Variants in SLC24A3 observed in about 807,000 individuals in gnomAD.
SLC24A3 encodes sodium/potassium/calcium exchanger 3.
A neutral mutation model predicts 75.8 loss-of-function variants in SLC24A3; 28 were observed. The observed-to-expected ratio is 0.37, with a 90% CI of 0.27 to 0.51. The LOEUF (loss-of-function observed/expected upper bound fraction) is 0.51, where lower values mean the gene tolerates loss of function less well. Among genes scored for constraint, SLC24A3 ranks in the 20% least tolerant of loss-of-function variants. SLC24A3 has a pLI of 0.94. For synonymous variants in SLC24A3, 372 were observed against 334.1 expected (o/e 1.11, Z -1.24); for missense variants, 663 against 847.8 (o/e 0.78, Z 2.71).
chr20:19,479,702 GT>G (rs1212366610), intron 2 of SLC24A3, among the ~76,000 whole-genome samples: 2 of 152,240 alleles, frequency 1.3e-5, no homozygotes, highest in African/African-American at 4.8e-5. Flanking sequence ...GGGGAAGGCT[GT>G]GGGTTTTACC....
At chr20:19,499,781 C>T (rs1455130575) in intron 2 of SLC24A3, among the ~76,000 whole-genome samples, 2 of 152,178 alleles carry the variant, frequency 1.3e-5, no homozygotes, top group African/African-American at 4.8e-5. Context: ...CACACACATA[C>T]ATGCATACCT....
intron 2 of SLC24A3, among the ~76,000 whole-genome samples, chr20:19,432,727 T>G (rs759213589): frequency 1.3e-5 from 2 of 152,198 alleles, no homozygotes; most frequent in Non-Finnish European, 2.9e-5. Flanking sequence ...TGCTTGCTCT[T>G]TATAGCCAGA....
At chr20:19,217,795 G>A (rs1981603133) in intron 1 of SLC24A3, among the ~76,000 whole-genome samples, 2 of 152,254 alleles carry the variant, frequency 1.3e-5, no homozygotes, top group South Asian at 4.1e-4. Context: ...TCAGATTCCT[G>A]GCGCTTGCTG....
chr20:19,516,349 A>C (rs1387768839), intron 3 of SLC24A3, among the ~76,000 whole-genome samples: 4 of 152,318 alleles, frequency 2.6e-5, no homozygotes, highest in African/African-American at 7.2e-5. Context: ...TAGGTACATT[A>C]CTGCTTCCCC....
intron 2 of SLC24A3, among the ~76,000 whole-genome samples, chr20:19,364,896 C>T (rs1000492898): frequency 7.9e-5 from 12 of 152,142 alleles, no homozygotes; most frequent in African/African-American, 1.7e-4. Context: ...AAAGTAGGCA[C>T]GGAGGAGCAG....
chr20:19,237,395 G>A (rs955251718), intron 1 of SLC24A3, among the ~76,000 whole-genome samples: 1 of 152,224 alleles, frequency 6.6e-6, no homozygotes, highest in African/African-American at 2.4e-5. Flanking sequence ...GTCATCCTGA[G>A]AAGGGATTTC....
intron 1 of SLC24A3, among the ~76,000 whole-genome samples, chr20:19,266,312 T>C (rs1450277099): frequency 6.6e-6 from 1 of 152,242 alleles, no homozygotes; most frequent in Non-Finnish European, 1.5e-5. Context: ...AGCTGCTCTT[T>C]CTTCTCCTCA....
At chr20:19,357,298 T>A (rs993067887) in intron 2 of SLC24A3, among the ~76,000 whole-genome samples, 33 of 152,168 alleles carry the variant, frequency 2.2e-4, no homozygotes, top group African/African-American at 6.5e-4. Context: ...GGTTTGGACT[T>A]CTGGCCTCCA....
intron 2 of SLC24A3, among the ~76,000 whole-genome samples, chr20:19,500,910 G>A (rs1988374618): frequency 6.6e-6 from 1 of 152,178 alleles, no homozygotes; most frequent in Admixed American, 6.5e-5. Context: ...GTATACATTT[G>A]CATGAGGCCT....
chr20:19,340,629 T>C (rs1157232810), intron 2 of SLC24A3, among the ~76,000 whole-genome samples: 3 of 152,110 alleles, frequency 2.0e-5, no homozygotes, highest in East Asian at 3.9e-4. Flanking sequence ...AGAGAGGCCA[T>C]TGACAAAATT....
intron 1 of SLC24A3, among the ~76,000 whole-genome samples, chr20:19,256,752 G>C (rs1386739178): frequency 7.8e-6 from 1 of 128,306 alleles, no homozygotes; most frequent in Non-Finnish European, 1.6e-5. Context: ...CTGGGTAACA[G>C]AGCAAGACGT....
intron 6 of SLC24A3, among the ~76,000 whole-genome samples, chr20:19,593,644 G>A (rs1255689159): frequency 6.6e-6 from 1 of 152,166 alleles, no homozygotes; most frequent in Non-Finnish European, 1.5e-5. Context: ...AGGGCTGCAG[G>A]GATACAGCTA....
intron 2 of SLC24A3, among the ~76,000 whole-genome samples, chr20:19,468,748 G>A (rs573389343): frequency 1.5e-4 from 23 of 152,280 alleles, no homozygotes; most frequent in Non-Finnish European, 2.1e-4. Context: ...TAAATTGCTC[G>A]GATATGGCCC....
Position 19,685,292 on chromosome 20 carries a change from G to A in SLC24A3, c.1255G>A (p.Glu419Lys). ...AACAGAGAATGAAAATGAGGACAAT[G>A]AGAATGATGAGGAGGAAGAGGAGGA... ...NETENENEDNENDEEEEEDED... is the reference protein window; with the variant it reads ...NETENENEDNKNDEEEEEDED... The change falls in exon 12 of 17, where the codon GAG (glutamate) becomes AAG (lysine). Residue 419 changes from glutamate (E) to lysine (K), a missense_variant. This residue lies in a region of SLC24A3 where 510 missense variants were observed against 703.6 expected (regional missense o/e 0.72). Coordinates refer to ENST00000328041, the MANE Select transcript of SLC24A3 (RefSeq NM_020689.4). 1 of 1,614,136 alleles carries A rather than the reference G, an allele frequency of 6.2e-7. No individual in the cohort carries two copies. The highest frequency in any genetic ancestry group is 8.5e-7 in the Non-Finnish European group (1 of 1,180,024).
At chr20:19,545,807 C>T (rs553134861) in intron 3 of SLC24A3, among the ~76,000 whole-genome samples, 23 of 152,212 alleles carry the variant, frequency 1.5e-4, no homozygotes, top group African/African-American at 4.8e-4. Flanking sequence ...TGGATTGATT[C>T]GAATAGTGCT....
intron 7 of SLC24A3, among the ~76,000 whole-genome samples, chr20:19,656,741 G>C (rs1235751925): frequency 6.6e-6 from 1 of 152,208 alleles, no homozygotes; most frequent in Non-Finnish European, 1.5e-5. Context: ...GAATGGAGCA[G>C]ATTTGGATCT....
chr20:19,266,949 A>G (rs1983184685), intron 1 of SLC24A3, among the ~76,000 whole-genome samples: 1 of 152,202 alleles, frequency 6.6e-6, no homozygotes. Flanking sequence ...TATATTTAAA[A>G]AAGTGGTCTC....
intron 3 of SLC24A3, among the ~76,000 whole-genome samples, chr20:19,521,424 G>A (rs1187622428): frequency 6.6e-6 from 1 of 152,160 alleles, no homozygotes; most frequent in East Asian, 1.9e-4. Context: ...GTTTCCATAG[G>A]AGGCCTGGAG....
At chr20:19,388,992 T>A (rs961211485) in intron 2 of SLC24A3, among the ~76,000 whole-genome samples, 2 of 152,146 alleles carry the variant, frequency 1.3e-5, no homozygotes, top group Non-Finnish European at 1.5e-5. Flanking sequence ...GATTCTTTTC[T>A]CTTTATCTTT....
Sources: gnomAD v4.1 joint callset for allele counts (sites outside exome capture counted in the v4.1 genomes callset) on GRCh38, gnomAD v4.1.1 for gene constraint, gnomAD v4.1.1 regional missense constraint, MANE v1.5 for transcripts, NCBI Gene and HGNC (gene_info 2026-07-23, HGNC 2026-07-21) for gene names.